POLR2F: variants seen among roughly 807,000 people sequenced by gnomAD.
POLR2F encodes the protein DNA-directed RNA polymerases I, II, and III subunit RPABC2.
A neutral mutation model predicts 22.7 loss-of-function variants in POLR2F; 12 were observed. The observed-to-expected ratio is 0.53, with a 90% CI of 0.34 to 0.86. The LOEUF (loss-of-function observed/expected upper bound fraction) is 0.86. Among genes scored for constraint, POLR2F ranks in the 40% least tolerant of loss-of-function variants. POLR2F has a pLI of 0.02. For synonymous variants in POLR2F, 57 were observed against 66.0 expected (o/e 0.86, Z 0.66); for missense variants, 126 against 171.5 (o/e 0.73, Z 1.48).
At position 37,954,809 on chromosome 22, in the gene POLR2F, G is replaced by A. The variant is rs191007189; in HGVS notation, c.20+1002G>A. ...GATTGCTACCCCATTCCCAGTGAGTGTCAGTAGAGAAGAGGAGATGACCCG... is the reference window on the plus strand; with the variant it reads ...GATTGCTACCCCATTCCCAGTGAGTATCAGTAGAGAAGAGGAGATGACCCG... On this transcript the variant is annotated intron_variant, in intron 1 of 4. Transcript: ENST00000442738. Among the ~76,000 whole-genome samples, 57 of 152,302 alleles carry A rather than the reference G, an allele frequency of 3.7e-4. No individual in the cohort carries two copies. The East Asian group carries it at 6.9e-3, about 19-fold the overall frequency.
At chr22:37,994,320 G>C (rs1457799525) in intron 1 of POLR2F, among the ~76,000 whole-genome samples, 1 of 152,130 alleles carries the variant, frequency 6.6e-6, no homozygotes, top group Non-Finnish European at 1.5e-5. Flanking sequence ...CTTCAGCTGT[G>C]TGTGCTTCAC....
At chr22:38,029,179 A>T (rs1214508751), downstream of POLR2F, among the ~76,000 whole-genome samples, 1 of 152,158 alleles carries the variant, frequency 6.6e-6, no homozygotes, top group Admixed American at 6.5e-5. Context: ...AGACTTGAAG[A>T]TTAGAGATGG....
downstream of POLR2F, among the ~76,000 whole-genome samples, chr22:38,028,445 C>T (rs891977428): frequency 1.3e-5 from 2 of 152,016 alleles, no homozygotes; most frequent in Non-Finnish European, 2.9e-5. Flanking sequence ...GTGACTGATA[C>T]GGGGGCTCAT....
At chr22:38,040,758 A>C in intron 5 of POLR2F, 1 of 441,040 alleles carries the variant, frequency 2.3e-6, no homozygotes, top group Non-Finnish European at 4.1e-6. Context: ...TCCTTTGTGA[A>C]CGAGGGCACT....
chr22:37,968,439 C>G lies in POLR2F; in HGVS notation c.*724C>G. On this transcript the variant is annotated 3_prime_UTR_variant, in exon 5 of 5. Transcript: ENST00000442738. Reference sequence around the variant, plus strand: ...CTTCTTCCTAGCCTCTATAAGATATCCTTTCCCTCCTATTTGGGGCTGGTG... The same window carrying G: ...CTTCTTCCTAGCCTCTATAAGATATGCTTTCCCTCCTATTTGGGGCTGGTG... The G allele has an allele frequency of 6.1e-6, 6 of 985,936 alleles. No homozygotes were observed. Among genetic ancestry groups the G allele is most frequent in the Non-Finnish European group, 6.0e-6 (5 of 830,246 alleles). The allele number at this position is 985,936 out of a possible 1,614,324, so 61.1% of individuals were successfully genotyped here. A position where few individuals can be genotyped will look rare whatever the true frequency, so the allele number is the denominator to read the frequency against.
downstream of POLR2F, chr22:38,041,231 A>G: frequency 7.4e-7 from 1 of 1,360,294 alleles, no homozygotes; most frequent in South Asian, 1.3e-5. Flanking sequence ...GTCTAGACTG[A>G]TGGACCAGAT....
intron 1 of POLR2F, among the ~76,000 whole-genome samples, chr22:38,023,019 A>G (rs912869608): frequency 4.6e-5 from 7 of 152,232 alleles, no homozygotes; most frequent in Admixed American, 4.6e-4. Context: ...CTCTGAAGAA[A>G]CAAACAGACA....
downstream of POLR2F, chr22:37,973,511 G>A: frequency 6.2e-7 from 1 of 1,606,178 alleles, no homozygotes. Flanking sequence ...CCGGGACAGT[G>A]TCGTATATAC....
intron 1 of POLR2F, among the ~76,000 whole-genome samples, chr22:38,010,124 C>G (rs1187984991): frequency 1.3e-5 from 2 of 152,130 alleles, no homozygotes; most frequent in African/African-American, 4.8e-5. Context: ...CCTGTAATCC[C>G]AGCACTTTGA....
chr22:38,024,163 T>C (rs937033574), intron 1 of POLR2F, among the ~76,000 whole-genome samples: 7 of 152,034 alleles, frequency 4.6e-5, no homozygotes, highest in Non-Finnish European at 1.0e-4. Flanking sequence ...TGATTTTGAC[T>C]ACTCTGGGGA....
chr22:37,967,675 A>G lies in POLR2F; in HGVS notation c.344A>G (p.Tyr115Cys), dbSNP rs1302469127. 2.5e-6 allele frequency: 4 copies of G among 1,613,880 alleles called. No homozygotes were observed. The highest frequency in any genetic ancestry group is 2.5e-6 in the Non-Finnish European group (3 of 1,179,952). The change falls in exon 5 of 5, where the codon TAT (tyrosine) becomes TGT (cysteine). Residue 115 changes from tyrosine (Y) to cysteine (C), a missense_variant. Coordinates refer to ENST00000442738, the MANE Select transcript of POLR2F (RefSeq NM_021974.5). ...CGCCGTTACCTGCCAGATGGGAGCT[A>G]TGAAGACTGGGGGGTGGACGAGCTC... ...IIRRYLPDGS[Y>C]EDWGVDELII... is the part of the protein sequence containing the mutation.
chr22:38,012,627 C>T (rs776011596), intron 1 of POLR2F, among the ~76,000 whole-genome samples: 10 of 152,110 alleles, frequency 6.6e-5, no homozygotes, highest in Non-Finnish European at 1.5e-4. Flanking sequence ...GGATCCAAGC[C>T]GGAATCCCAC....
chr22:38,036,825 GCCT>G (rs1440363578), intron 5 of POLR2F, among the ~76,000 whole-genome samples: 2 of 152,008 alleles, frequency 1.3e-5, no homozygotes, highest in African/African-American at 4.8e-5. Flanking sequence ...CCACACACTG[GCCT>G]CCTGGCTGTT....
chr22:38,020,149 G>A (rs1011516230), intron 1 of POLR2F, among the ~76,000 whole-genome samples: 10 of 151,784 alleles, frequency 6.6e-5, no homozygotes, highest in Non-Finnish European at 1.3e-4. Flanking sequence ...AGGAGTTCGA[G>A]ATCAGCCTGG....
intron 1 of POLR2F, among the ~76,000 whole-genome samples, chr22:37,994,225 T>A (rs1322130619): frequency 6.6e-6 from 1 of 152,154 alleles, no homozygotes; most frequent in Non-Finnish European, 1.5e-5. Flanking sequence ...TGTGTTCACA[T>A]GTCAGGGGCT....
chr22:37,973,823 G>A, downstream of POLR2F: 1 of 1,604,110 alleles, frequency 6.2e-7, no homozygotes, highest in Non-Finnish European at 8.5e-7. Flanking sequence ...CGCGGTCTCT[G>A]TCTTCACCTG....
rs1331440087 is a variant in POLR2F, at chr22:37,986,288, G to A, written c.98G>A (p.Cys33Tyr). Residue 33 changes from cysteine (C) to tyrosine (Y), a missense_variant, in exon 1 of 3, where the codon TGC becomes TAC. Coordinates refer to the POLR2F transcript ENST00000333418. The surrounding 1 kb of genome is among the most constrained non-coding windows in gnomAD (Gnocchi z 4.7). ...ACCCGCTGCTGCCCGCCCGCTGCCT[G>A]CCTGCCTGGCATCTCTCTCTCCCGG... 2.6e-6 allele frequency: 4 copies of A among 1,538,264 alleles called. No homozygotes were observed. Among genetic ancestry groups the A allele is most frequent in the Non-Finnish European group, 3.5e-6 (4 of 1,146,774 alleles).
chr22:37,974,179 G>C (rs766963456), downstream of POLR2F: 25 of 1,605,238 alleles, frequency 1.6e-5, no homozygotes, highest in Non-Finnish European at 1.9e-5. This position sits in a 1 kb window ranked among gnomAD's most constrained non-coding sequence, Gnocchi z 5.4. Flanking sequence ...TTGGAGGGGT[G>C]GGTGGGCCAT....
intron 1 of POLR2F, among the ~76,000 whole-genome samples, chr22:37,989,331 G>A (rs1932673317): frequency 6.6e-6 from 1 of 152,224 alleles, no homozygotes; most frequent in South Asian, 2.1e-4. Flanking sequence ...GTGAGTCAGA[G>A]GAAATCATTT....
Sources: allele counts gnomAD v4.1 joint callset (sites outside exome capture counted in the v4.1 genomes callset), GRCh38; gene constraint gnomAD v4.1.1; non-coding constraint Gnocchi (gnomAD v3.1); transcripts MANE v1.5; gene names NCBI Gene and HGNC (gene_info 2026-07-23, HGNC 2026-07-21).